The following ALDH9A1 variants were observed in gnomAD, a reference collection of about 807,000 sequenced individuals.
ALDH9A1 encodes 4-trimethylaminobutyraldehyde dehydrogenase.
In ALDH9A1, 42 loss-of-function variants were observed where a neutral mutation model predicts 56.6. The observed-to-expected ratio is 0.74, with a 90% CI of 0.58 to 0.96. The LOEUF (loss-of-function observed/expected upper bound fraction) is 0.96, where lower values mean the gene tolerates loss of function less well. Among genes scored for constraint, ALDH9A1 ranks in the 40% least tolerant of loss-of-function variants. ALDH9A1 has a pLI of 0.00. For synonymous variants in ALDH9A1, 242 were observed against 236.0 expected, an observed-to-expected ratio of 1.03 and a Z score of -0.23; for missense variants, 661 against 651.5, an observed-to-expected ratio of 1.01 and a Z score of -0.16.
chr1:165,673,209 T>A (rs1472145143), intron 6 of ALDH9A1, among the ~76,000 whole-genome samples: 1 of 151,250 alleles, frequency 6.6e-6, no homozygotes, highest in Non-Finnish European at 1.5e-5. Context: ...ATGCTCCACA[T>A]CACTAATCAT....
At chr1:165,696,667 C>A (rs890810127) in intron 1 of ALDH9A1, among the ~76,000 whole-genome samples, 1 of 152,120 alleles carries the variant, frequency 6.6e-6, no homozygotes, top group African/African-American at 2.4e-5. Context: ...AGGCCCATAG[C>A]CCAAGGACTG....
At position 165,664,399 on chromosome 1, in the gene ALDH9A1, T is replaced by C. The variant is rs151086046; in HGVS notation, c.1462+619A>G. Among the ~76,000 whole-genome samples, 1,298 of 152,304 alleles carry C rather than the reference T, an allele frequency of 8.5e-3. 13 individuals carry two copies. Among genetic ancestry groups the C allele is most frequent in the Non-Finnish European group, 0.014 (978 of 68,020 alleles). On this transcript the variant is annotated intron_variant, in intron 10 of 10. Coordinates refer to ENST00000354775, the MANE Select transcript of ALDH9A1 (RefSeq NM_000696.4). ...GGCTATACTCCTGATGCCTCAAACC[T>C]TCTCCTGATATACCAGACTTACAAA...
chr1:165,688,825 T>C (rs895038802), intron 2 of ALDH9A1, among the ~76,000 whole-genome samples: 2 of 152,174 alleles, frequency 1.3e-5, no homozygotes, highest in African/African-American at 2.4e-5. Context: ...ATGGAATAAA[T>C]TGGGGTGAAG....
rs993825855 is a variant in ALDH9A1, at chr1:165,695,375, T to C, written c.204A>G (p.Thr68=). The C allele has an allele frequency of 2.5e-5, 41 of 1,611,138 alleles. No homozygotes were observed. Among genetic ancestry groups the C allele is most frequent in the Admixed American group, 3.4e-5 (2 of 59,502 alleles). The change falls in exon 2 of 11, where the codon ACA becomes ACG. Residue 68 remains threonine (T), a synonymous_variant. Coordinates refer to ENST00000354775, the MANE Select transcript of ALDH9A1 (RefSeq NM_000696.4). ...PATGRVIATF[T]CSGEKEVNLA... The stretch of plus-strand genomic sequence containing the variant: ...AATTTACTTCCTTTTCTCCTGAACA[T>C]GTGAAAGTAGCTATCACTCGGCCTA...
At position 165,669,658 on chromosome 1, in the gene ALDH9A1, GC is replaced by G. The variant is rs1649116365; in HGVS notation, c.931-209del. Among the ~76,000 whole-genome samples, 3 of 152,038 alleles carry G rather than the reference GC, an allele frequency of 2.0e-5. No individual in the cohort carries two copies. The South Asian group carries it at 6.2e-4, about 32-fold the overall frequency. ...ACATACCACTCCACAAGCAAAATCT[GC>G]CCTTTGAGGTAAAAGTTAGTTCTTA... On this transcript the variant is annotated intron_variant, in intron 6 of 10. Transcript: ENST00000354775.
chr1:165,681,458 G>T (rs1255702838), intron 4 of ALDH9A1, among the ~76,000 whole-genome samples: 1 of 152,182 alleles, frequency 6.6e-6, no homozygotes, highest in Non-Finnish European at 1.5e-5. Flanking sequence ...TTTCACAGCT[G>T]TATCTCAAAG....
intron 2 of ALDH9A1, among the ~76,000 whole-genome samples, chr1:165,694,950 CG>C (rs1394255275): frequency 7.2e-6 from 1 of 139,070 alleles, no homozygotes; most frequent in Non-Finnish European, 1.5e-5. Flanking sequence ...AGCAAGATTC[CG>C]TCTCAAAAAA....
chr1:165,683,472 G>A lies in ALDH9A1; in HGVS notation c.328-362C>T, dbSNP rs559340281. Among the ~76,000 whole-genome samples, 28 of 152,342 alleles carry A rather than the reference G, an allele frequency of 1.8e-4. No homozygotes were observed. The South Asian group carries it at 5.8e-3, about 32-fold the overall frequency. Reference sequence around the variant, plus strand: ...ATTTATTGAAGAGGTGAGGGGTAGAGAATGGAGAGAAAATGGATGGCTCAC... The same window carrying A: ...ATTTATTGAAGAGGTGAGGGGTAGAAAATGGAGAGAAAATGGATGGCTCAC... On this transcript the variant is annotated intron_variant, in intron 2 of 10. Coordinates refer to ENST00000354775, the MANE Select transcript of ALDH9A1 (RefSeq NM_000696.4).
chr1:165,662,863 A>C lies in ALDH9A1; in HGVS notation c.*187T>G. On this transcript the variant is annotated 3_prime_UTR_variant, in exon 11 of 11. Transcript: ENST00000354775. ...CACAGCTTTCTTGATTAGTATCTAC[A>C]AGGCACTTAATGCACATTTTCAGTG... is the stretch of plus-strand genomic sequence containing the variant. 1.7e-6 allele frequency: 1 copy of C among 594,442 alleles called. No homozygotes were observed. Among genetic ancestry groups the C allele is most frequent in the Middle Eastern group, 3.3e-4 (1 of 2,996 alleles). 36.8% of individuals were successfully genotyped at this position (594,442 alleles called of 1,614,324 possible).
rs756318964 is a variant in ALDH9A1, at chr1:165,698,549, G to A, written c.10C>T (p.Arg4Ter). MFL[R>*]AGLAALSPLL... is the part of the protein sequence containing the mutation. Reference sequence around the variant, plus strand: ...GGGGAGAGCGCGGCCAGGCCTGCTCGGAGAAACATGAGTGGCGGACGCAGC... The same window carrying A: ...GGGGAGAGCGCGGCCAGGCCTGCTCAGAGAAACATGAGTGGCGGACGCAGC... Residue 4 changes from arginine (R) to a stop codon, truncating the protein, a stop_gained, in exon 1 of 11, where the codon CGA becomes TGA. Transcript: ENST00000354775. LOFTEE classifies it high-confidence loss of function. The A allele has an allele frequency of 1.5e-5, 24 of 1,605,086 alleles. No individual in the cohort carries two copies. The highest frequency in any genetic ancestry group is 8.9e-5 in the South Asian group (8 of 90,164).
At chr1:165,664,946 C>T in intron 10 of ALDH9A1, 72 bp downstream of exon 10, 1 of 1,202,924 alleles carries the variant, frequency 8.3e-7, no homozygotes. Context: ...TTTAGGAATA[C>T]TGGTTTATAA....
Position 165,682,178 on chromosome 1 carries a change from C to T in ALDH9A1, c.521G>A (p.Cys174Tyr). 6.2e-7 allele frequency: 1 copy of T among 1,614,060 alleles called. No homozygotes were observed. The highest frequency in any genetic ancestry group is 8.5e-7 in the Non-Finnish European group (1 of 1,179,916). ...GTAGTTCCATGCTCCTATTCCCACA[C>T]ATACCCCAAGTGGTTCTCTTCTGGT... is the stretch of plus-strand genomic sequence containing the variant. Reference protein sequence around the residue: ...GYTRREPLGVCVGIGAWNYPF... With the variant: ...GYTRREPLGVYVGIGAWNYPF... The change falls in exon 4 of 11, where the codon TGT (cysteine) becomes TAT (tyrosine). Residue 174 changes from cysteine to tyrosine, a missense_variant. Physicochemically the swap from Cys to Tyr is radical, Grantham distance 194. Transcript: ENST00000354775.
intron 6 of ALDH9A1, among the ~76,000 whole-genome samples, chr1:165,677,252 G>T (rs982342172): frequency 2.0e-5 from 3 of 152,102 alleles, no homozygotes; most frequent in Non-Finnish European, 4.4e-5. Flanking sequence ...GTGCTACACT[G>T]GAGACTGAGG....
Position 165,695,373 on chromosome 1 carries a change from C to T in ALDH9A1, c.206G>A (p.Cys69Tyr). 1.2e-6 allele frequency: 2 copies of T among 1,611,340 alleles called. No individual in the cohort carries two copies. The highest frequency in any genetic ancestry group is 1.7e-6 in the Non-Finnish European group (2 of 1,179,006). ...ATGRVIATFT[C>Y]SGEKEVNLAV... ...CAAATTTACTTCCTTTTCTCCTGAA[C>T]ATGTGAAAGTAGCTATCACTCGGCC... The change falls in exon 2 of 11, where the codon TGT becomes TAT. Residue 69 changes from cysteine (C) to tyrosine (Y), a missense_variant. Cys to Tyr is a radical substitution (Grantham distance 194, BLOSUM62 -2). Coordinates refer to ENST00000354775, the MANE Select transcript of ALDH9A1 (RefSeq NM_000696.4).
rs758720478 is a variant in ALDH9A1 at position 165,669,280 on chromosome 1, G to A, written c.1101C>T (p.Val367=). Residue 367 remains valine (V), a synonymous_variant, in exon 7 of 11, where the codon GTC becomes GTT. Coordinates refer to ENST00000354775, the MANE Select transcript of ALDH9A1 (RefSeq NM_000696.4). ...RPHLERVLGF[V]KVAKEQGAKV... ...TTCTTACCTGCTCCTTTGCCACTTT[G>A]ACAAACCCAAGGACTCGCTCCAGGT... 6.2e-7 allele frequency: 1 copy of A among 1,605,378 alleles called. No individual in the cohort carries two copies. The highest frequency in any genetic ancestry group is 8.5e-7 in the Non-Finnish European group (1 of 1,177,004).
At chr1:165,694,861 C>T (rs1289916075) in intron 2 of ALDH9A1, among the ~76,000 whole-genome samples, 1 of 151,028 alleles carries the variant, frequency 6.6e-6, no homozygotes, top group Non-Finnish European at 1.5e-5. Flanking sequence ...GAAGCTGAGG[C>T]AGGAGAATTG....
rs1650180879 is a variant in ALDH9A1 at position 165,698,540 on chromosome 1, G to C, written c.19C>G (p.Leu7Val). Reference protein sequence around the residue: MFLRAGLAALSPLLRSL... With the variant: MFLRAGVAALSPLLRSL... ...CGAAGAAGCGGGGAGAGCGCGGCCA[G>C]GCCTGCTCGGAGAAACATGAGTGGC... The change falls in exon 1 of 11, where the codon CTG (leucine) becomes GTG (valine). Residue 7 changes from leucine to valine, a missense_variant. By Grantham distance (32) the Leu-to-Val change is conservative (BLOSUM62 1). Transcript: ENST00000354775. 5 of 1,608,514 alleles carry C rather than the reference G, an allele frequency of 3.1e-6. No homozygotes were observed. The highest frequency in any genetic ancestry group is 3.4e-6 in the Non-Finnish European group (4 of 1,178,418).
chr1:165,663,203 A>G (rs1427937807), intron 10 of ALDH9A1, 59 bp from the exon 11 acceptor site: 7 of 1,389,518 alleles, frequency 5.0e-6, no homozygotes, highest in Middle Eastern at 1.8e-4. Context: ...AAAAGTCACA[A>G]TGATCTTCAA....
rs199831384 is a variant in ALDH9A1 at position 165,671,087 on chromosome 1, TAAAC to T, written c.931-1641_931-1638del. On this transcript the variant is annotated intron_variant, in intron 6 of 10. Transcript: ENST00000354775. Reference sequence around the variant, plus strand: ...CTCCGTCTCAAAGATAATAAATAAATAAACAAACAAACAAACTGAAATTAAAACT... The same window carrying T: ...CTCCGTCTCAAAGATAATAAATAAATAAACAAACAAACTGAAATTAAAACT... Among the ~76,000 whole-genome samples the T allele has an allele frequency of 8.6e-3, 1,311 of 152,228 alleles. 24 individuals are homozygous for T. The highest frequency in any genetic ancestry group is 0.03 in the African/African-American group (1,245 of 41,534).
Sources: allele counts gnomAD v4.1 joint callset (sites outside exome capture counted in the v4.1 genomes callset), GRCh38; gene constraint gnomAD v4.1.1; transcripts MANE v1.5; gene names NCBI Gene and HGNC (gene_info 2026-07-23, HGNC 2026-07-21).